AP5Z1: variants seen among roughly 807,000 people sequenced by gnomAD.
AP5Z1 encodes AP-5 complex subunit zeta-1.
In AP5Z1, 106 loss-of-function variants were observed where a neutral mutation model predicts 83.0. The observed-to-expected ratio is 1.28, with a 90% CI of 1.09 to 1.50. The LOEUF (loss-of-function observed/expected upper bound fraction) is 1.50, where lower values mean the gene tolerates loss of function less well. Among genes scored for constraint, AP5Z1 ranks in the 40% most tolerant of loss-of-function variants. The pLI is 0.00. For synonymous variants in AP5Z1, 751 were observed against 514.1 expected, an observed-to-expected ratio of 1.46 and a Z score of -6.23; for missense variants, 1,565 against 1,094.2, an observed-to-expected ratio of 1.43 and a Z score of -6.07.
Position 4,791,405 on chromosome 7 carries a change from T to C in AP5Z1, c.*20T>C, listed in dbSNP as rs754463682. 1 of 1,591,314 alleles carries C rather than the reference T, an allele frequency of 6.3e-7. No individual in the cohort carries two copies. Among genetic ancestry groups the C allele is most frequent in the Non-Finnish European group, 8.6e-7 (1 of 1,168,338 alleles). On this transcript the variant is annotated 3_prime_UTR_variant, in exon 17 of 17. Transcript: ENST00000649063. ...GGGTGAAGGGACAGTGGCCAGGGAC[T>C]TCGGTGCAGATTAAGAGCCTGGGCA...
At chr7:4,782,357 G>C (rs533307226) in intron 3 of AP5Z1, among the ~76,000 whole-genome samples, 1 of 152,296 alleles carries the variant, frequency 6.6e-6, no homozygotes, top group African/African-American at 2.4e-5. Context: ...TGTGTCGGGA[G>C]CAGGCCTGGG....
chr7:4,792,263 G>GCCGCCCCGAGAGCCTCACGCC lies in AP5Z1; in HGVS notation c.*886_*906dup, dbSNP rs1562417063. 1 of 152,170 alleles carries GCCGCCCCGAGAGCCTCACGCC rather than the reference G, an allele frequency of 6.6e-6. No homozygotes were observed. The highest frequency in any genetic ancestry group is 2.4e-5 in the African/African-American group (1 of 41,362). The allele number at this position is 152,170 out of a possible 1,614,324, so 9.4% of individuals were successfully genotyped here. On this transcript the variant is annotated 3_prime_UTR_variant, in exon 17 of 17. Coordinates refer to ENST00000649063, the MANE Select transcript of AP5Z1 (RefSeq NM_014855.3). Reference sequence around the variant, plus strand: ...ACGGGCTCAGCCGCCAGGGGGCGCCGCCGCCCCGAGAGCCTCACGCCCCGC... The same window carrying GCCGCCCCGAGAGCCTCACGCC: ...ACGGGCTCAGCCGCCAGGGGGCGCCGCCGCCCCGAGAGCCTCACGCCCCGCCCCGAGAGCCTCACGCCCCGC...
chr7:4,784,510 C>T, intron 6 of AP5Z1, 139 bp downstream of exon 6: 1 of 1,068,100 alleles, frequency 9.4e-7, no homozygotes, highest in East Asian at 2.6e-5. Context: ...AGCAACGCAG[C>T]CTGCTGACCT....
intron 4 of AP5Z1, 106 bp downstream of exon 4, chr7:4,783,566 G>A: frequency 6.5e-7 from 1 of 1,540,092 alleles, no homozygotes; most frequent in Non-Finnish European, 8.8e-7. Context: ...GGGGACACGG[G>A]GAGGCCCGAG....
Position 4,784,233 on chromosome 7 carries a change from G to A in AP5Z1, c.652G>A (p.Val218Ile). 2.5e-6 allele frequency: 4 copies of A among 1,591,110 alleles called. No individual in the cohort carries two copies. The highest frequency in any genetic ancestry group is 2.3e-5 in the East Asian group (1 of 43,604). ...CCCCGTCACCGAGGTGGACGGGGCG[G>A]TAGCCACAGACTTCTTCACGGTGCT... is the stretch of plus-strand genomic sequence containing the variant. Reference protein sequence around the residue: ...PGPVTEVDGAVATDFFTVLSS... With the variant: ...PGPVTEVDGAIATDFFTVLSS... The change falls in exon 6 of 17, where the codon GTA becomes ATA. Residue 218 changes from valine to isoleucine, a missense_variant. By Grantham distance (29) the Val-to-Ile change is conservative. Coordinates refer to ENST00000649063, the MANE Select transcript of AP5Z1 (RefSeq NM_014855.3).
rs1023337969 is a variant in AP5Z1 at position 4,792,694 on chromosome 7, C to G, written c.*1309C>G. ...CAGCCCAGGGCCGCTGAGCCGGGGC[C>G]GCAGGAAAGGCTGGCGCTGGCAGGC... On this transcript the variant is annotated 3_prime_UTR_variant, in exon 17 of 17. Transcript: ENST00000649063. 1.3e-5 allele frequency: 2 copies of G among 152,228 alleles called. No individual in the cohort carries two copies. Among genetic ancestry groups the G allele is most frequent in the Non-Finnish European group, 2.9e-5 (2 of 68,054 alleles). 9.4% of individuals were successfully genotyped at this position (152,228 alleles called of 1,614,324 possible). A position where few individuals can be genotyped will look rare whatever the true frequency, so the allele number is the denominator to read the frequency against.
chr7:4,776,111 A>G (rs1781218708), intron 1 of AP5Z1, among the ~76,000 whole-genome samples: 1 of 151,940 alleles, frequency 6.6e-6, no homozygotes, highest in Admixed American at 6.6e-5. Flanking sequence ...TCAAGAACGC[A>G]AAGTCACAGT....
At position 4,785,517 on chromosome 7, in the gene AP5Z1, CGCAGTGCCTGGTGGAG is replaced by C. The variant is rs1562408256; in HGVS notation, c.970-2_983del. 4.3e-6 allele frequency: 7 copies of C among 1,613,276 alleles called. No individual in the cohort carries two copies. Among genetic ancestry groups the C allele is most frequent in the Non-Finnish European group, 5.9e-6 (7 of 1,179,694 alleles). ...GGCCCATTTGATGTGGTCCATGTCC[CGCAGTGCCTGGTGGAG>C]GCCGTGCTGGTGCTGGACGTGCTGT... is the stretch of plus-strand genomic sequence containing the variant. On this transcript the variant is annotated splice_acceptor_variant and splice_polypyrimidine_tract_variant and coding_sequence_variant and intron_variant, in exon 9 of 17. Transcript: ENST00000649063. LOFTEE classifies it high-confidence loss of function.
rs1019737752 is a variant in AP5Z1, at chr7:4,781,884, T to C, written c.366+130T>C. Reference sequence around the variant, plus strand: ...TAGACGCATCTCGGTGCTGAGTGCCTGGCACACTTGAGGCTGGGGCATGCC... The same window carrying C: ...TAGACGCATCTCGGTGCTGAGTGCCCGGCACACTTGAGGCTGGGGCATGCC... On this transcript the variant is annotated intron_variant, in intron 3 of 16. Coordinates refer to ENST00000649063, the MANE Select transcript of AP5Z1 (RefSeq NM_014855.3). 5 of 1,120,554 alleles carry C rather than the reference T, an allele frequency of 4.5e-6. No individual in the cohort carries two copies. In the African/African-American group the frequency reaches 4.7e-5, roughly 11 times the overall value. The allele number at this position is 1,120,554 out of a possible 1,614,324, so 69.4% of individuals were successfully genotyped here.
rs530936725 is a variant in AP5Z1, at chr7:4,793,748, C to T, written c.*2363C>T. The T allele has an allele frequency of 9.3e-4, 144 of 154,930 alleles. No individual in the cohort carries two copies. Among genetic ancestry groups the T allele is most frequent in the African/African-American group, 3.3e-3 (138 of 41,618 alleles). 9.6% of individuals were successfully genotyped at this position (154,930 alleles called of 1,614,324 possible). A position where few individuals can be genotyped will look rare whatever the true frequency, so the allele number is the denominator to read the frequency against. ...GGGGCAGGGCTGGGGACCTGCAGCC[C>T]GCCATGCCTGAGCCTCCCCCCTCCC... On this transcript the variant is annotated 3_prime_UTR_variant, in exon 17 of 17. Coordinates refer to ENST00000649063, the MANE Select transcript of AP5Z1 (RefSeq NM_014855.3).
rs956824147 is a variant in AP5Z1 at position 4,790,659 on chromosome 7, G to A, written c.1939-14G>A. 3.7e-6 allele frequency: 6 copies of A among 1,612,100 alleles called. No individual in the cohort carries two copies. The African/African-American group carries it at 4.0e-5, about 11-fold the overall frequency. On this transcript the variant is annotated splice_polypyrimidine_tract_variant and intron_variant, in intron 15 of 16. Coordinates refer to ENST00000649063, the MANE Select transcript of AP5Z1 (RefSeq NM_014855.3). ...AGGCCTGGGTGGGGGCTGAATCTCTGTCCCCGGGCCTAGGTGTGGGCCATC... is the reference window on the plus strand; with the variant it reads ...AGGCCTGGGTGGGGGCTGAATCTCTATCCCCGGGCCTAGGTGTGGGCCATC...
rs766434226 is a variant in AP5Z1 at position 4,789,935 on chromosome 7, T to G, written c.1805+6T>G. 1.3e-5 allele frequency: 20 copies of G among 1,531,390 alleles called. No individual in the cohort carries two copies. The highest frequency in any genetic ancestry group is 1.7e-5 in the Non-Finnish European group (19 of 1,135,652). 94.9% of individuals were successfully genotyped at this position (1,531,390 alleles called of 1,614,324 possible). A position where few individuals can be genotyped will look rare whatever the true frequency, so the allele number is the denominator to read the frequency against. On this transcript the variant is annotated splice_donor_region_variant and intron_variant, in intron 14 of 16. Transcript: ENST00000649063. ...TACGCTGCCGGTGTGCACAGGTAGGTCCCTCCTGCGCTCCTGCCACAGCCC... is the reference window on the plus strand; with the variant it reads ...TACGCTGCCGGTGTGCACAGGTAGGGCCCTCCTGCGCTCCTGCCACAGCCC...
chr7:4,784,865 G>T, intron 6 of AP5Z1, 43 bp from the exon 7 acceptor site: 1 of 1,586,854 alleles, frequency 6.3e-7, no homozygotes, highest in Non-Finnish European at 8.6e-7. Flanking sequence ...GTCCCAGCCC[G>T]GGAGCCACAC....
In AP5Z1 at chr7:4,788,245, G is replaced by T. The variant is rs756368413; in HGVS notation, c.1546G>T (p.Gly516Cys). Residue 516 changes from glycine to cysteine, a missense_variant, in exon 12 of 17, where the codon GGT becomes TGT. Transcript: ENST00000649063. ...GGCCTTCCGGGACCCGCAGTTCCAG[G>T]GTCTTTTCCAATACCTGCTGCGCCC... is the stretch of plus-strand genomic sequence containing the variant. ...LEAFRDPQFQGLFQYLLRPKA... is the reference protein window; with the variant it reads ...LEAFRDPQFQCLFQYLLRPKA... The T allele has an allele frequency of 6.3e-7, 1 of 1,586,228 alleles. No individual in the cohort carries two copies. Among genetic ancestry groups the T allele is most frequent in the Non-Finnish European group, 8.6e-7 (1 of 1,167,626 alleles).
intron 7 of AP5Z1, 115 bp downstream of exon 7, chr7:4,785,163 G>A: frequency 6.8e-7 from 1 of 1,472,378 alleles, no homozygotes; most frequent in Non-Finnish European, 9.1e-7. Flanking sequence ...GGGGTCCCTG[G>A]GTAGCCGGTT....
intron 14 of AP5Z1, 102 bp downstream of exon 14, chr7:4,790,031 C>A: frequency 1.7e-6 from 2 of 1,181,682 alleles, no homozygotes; most frequent in Non-Finnish European, 2.3e-6. Context: ...GGCACCACCC[C>A]TAGCTGGGCC....
chr7:4,790,734 TCAA>T lies in AP5Z1; in HGVS notation c.2004_2006del (p.Asn668del), dbSNP rs768558699. ...GATCGGAGGTGCACCGTGGAGCAGA[TCAA>T]CAAGTTCTTCGAAGCCCTGGAGGCT... is the stretch of plus-strand genomic sequence containing the variant. On this transcript the variant is annotated inframe_deletion, in exon 16 of 17. Transcript: ENST00000649063. 29 of 1,610,710 alleles carry T rather than the reference TCAA, an allele frequency of 1.8e-5. No individual in the cohort carries two copies. Among genetic ancestry groups the T allele is most frequent in the South Asian group, 5.5e-5 (5 of 90,762 alleles).
intron 10 of AP5Z1, among the ~76,000 whole-genome samples, chr7:4,787,277 G>C (rs1455538523): frequency 6.6e-6 from 1 of 151,922 alleles, no homozygotes; most frequent in Non-Finnish European, 1.5e-5. Context: ...AGGATCTTGA[G>C]GCCAGGAGTT....
intron 13 of AP5Z1, 136 bp downstream of exon 13, chr7:4,789,087 G>C: frequency 4.1e-6 from 3 of 737,140 alleles, no homozygotes; most frequent in Non-Finnish European, 4.4e-6. Context: ...GTCCCTGTGA[G>C]GGTCAGGGAG....
Sources: allele counts gnomAD v4.1 joint callset (sites outside exome capture counted in the v4.1 genomes callset), GRCh38; gene constraint gnomAD v4.1.1; transcripts MANE v1.5; gene names NCBI Gene and HGNC (gene_info 2026-07-23, HGNC 2026-07-21).